Variants in TERC observed in about 807,000 individuals in gnomAD.
The protein encoded by TERC is small Cajal body-specific RNA 19.
In TERC at chr3:169,764,830, G is replaced by A. The variant is rs906136164; in HGVS notation, n.231C>T. The A allele has an allele frequency of 1.4e-5, 10 of 729,346 alleles. No individual in the cohort carries two copies. Among genetic ancestry groups the A allele is most frequent in the Non-Finnish European group, 2.3e-5 (9 of 399,564 alleles). 45.2% of individuals were successfully genotyped at this position (729,346 alleles called of 1,614,324 possible). A position where few individuals can be genotyped will look rare whatever the true frequency, so the allele number is the denominator to read the frequency against. On this transcript the variant is annotated non_coding_transcript_exon_variant, in exon 1 of 1. Coordinates refer to ENST00000602385, the Ensembl canonical transcript of TERC. The surrounding 1 kb of genome is among the most constrained non-coding windows in gnomAD (Gnocchi z 4.3). Reference sequence around the variant, plus strand: ...GGCCTCCAGGCGGGGTTCGGGGGCTGGGCAGGCGACCCGCCGCAGGTCCCC... The same window carrying A: ...GGCCTCCAGGCGGGGTTCGGGGGCTAGGCAGGCGACCCGCCGCAGGTCCCC...
rs1560578689 is a variant in TERC, at chr3:169,764,919, G to A, written n.142C>T. 1 of 765,262 alleles carries A rather than the reference G, an allele frequency of 1.3e-6. No individual in the cohort carries two copies. The highest frequency in any genetic ancestry group is 2.4e-5 in the East Asian group (1 of 41,230). The allele number at this position is 765,262 out of a possible 1,614,324, so 47.4% of individuals were successfully genotyped here. A position where few individuals can be genotyped will look rare whatever the true frequency, so the allele number is the denominator to read the frequency against. Reference sequence around the variant, plus strand: ...TGCTCTAGAATGAACGGTGGAAGGCGGCAGGCCGAGGCTTTTCCGCCCGCT... The same window carrying A: ...TGCTCTAGAATGAACGGTGGAAGGCAGCAGGCCGAGGCTTTTCCGCCCGCT... On this transcript the variant is annotated non_coding_transcript_exon_variant, in exon 1 of 1. Transcript: ENST00000602385. The surrounding 1 kb of genome is among the most constrained non-coding windows in gnomAD (Gnocchi z 4.3).
Position 169,764,774 on chromosome 3 carries a change from G to C in TERC, n.287C>G. The stretch of plus-strand genomic sequence containing the variant: ...AGCCCAACTCTTCGCGGTGGCAGTG[G>C]GTGCCTCCGGAGAAGCCCCGGGCCG... On this transcript the variant is annotated non_coding_transcript_exon_variant, in exon 1 of 1. Transcript: ENST00000602385. The surrounding 1 kb of genome is among the most constrained non-coding windows in gnomAD (Gnocchi z 4.3). 1.3e-6 allele frequency: 1 copy of C among 742,718 alleles called. No individual in the cohort carries two copies. 46.0% of individuals were successfully genotyped at this position (742,718 alleles called of 1,614,324 possible). A position where few individuals can be genotyped will look rare whatever the true frequency, so the allele number is the denominator to read the frequency against.
At position 169,764,917 on chromosome 3, in the gene TERC, G is replaced by A. The variant is rs1777962736; in HGVS notation, n.144C>T. On this transcript the variant is annotated non_coding_transcript_exon_variant, in exon 1 of 1. Coordinates refer to ENST00000602385, the Ensembl canonical transcript of TERC. The surrounding 1 kb of genome is among the most constrained non-coding windows in gnomAD (Gnocchi z 4.3). ...TTTGCTCTAGAATGAACGGTGGAAG[G>A]CGGCAGGCCGAGGCTTTTCCGCCCG... The A allele has an allele frequency of 1.3e-6, 1 of 765,136 alleles. No individual in the cohort carries two copies. The highest frequency in any genetic ancestry group is 1.3e-5 in the South Asian group (1 of 74,624). The allele number at this position is 765,136 out of a possible 1,614,324, so 47.4% of individuals were successfully genotyped here. A position where few individuals can be genotyped will look rare whatever the true frequency, so the allele number is the denominator to read the frequency against.
rs1200725441 is a variant in TERC at position 169,764,852 on chromosome 3, C to T, written n.209G>A. 1 of 749,676 alleles carries T rather than the reference C, an allele frequency of 1.3e-6. No homozygotes were observed. The highest frequency in any genetic ancestry group is 2.4e-6 in the Non-Finnish European group (1 of 410,044). 46.4% of individuals were successfully genotyped at this position (749,676 alleles called of 1,614,324 possible). Reference sequence around the variant, plus strand: ...GCTGGGCAGGCGACCCGCCGCAGGTCCCCGGGAGGGGCGAACGGGCCAGCA... The same window carrying T: ...GCTGGGCAGGCGACCCGCCGCAGGTTCCCGGGAGGGGCGAACGGGCCAGCA... On this transcript the variant is annotated non_coding_transcript_exon_variant, in exon 1 of 1. Coordinates refer to ENST00000602385, the Ensembl canonical transcript of TERC. This position sits in a 1 kb window ranked among gnomAD's most constrained non-coding sequence, Gnocchi z 4.3.
In TERC at chr3:169,764,878, G is replaced by T; in HGVS notation, n.183C>A. ...CCCGGGAGGGGCGAACGGGCCAGCA[G>T]CTGACATTTTTTGTTTGCTCTAGAA... On this transcript the variant is annotated non_coding_transcript_exon_variant, in exon 1 of 1. Coordinates refer to ENST00000602385, the Ensembl canonical transcript of TERC. This position sits in a 1 kb window ranked among gnomAD's most constrained non-coding sequence, Gnocchi z 4.3. 1.3e-6 allele frequency: 1 copy of T among 762,110 alleles called. No individual in the cohort carries two copies. 47.2% of individuals were successfully genotyped at this position (762,110 alleles called of 1,614,324 possible).
At chr3:169,765,017 CA>C (rs1350357211) in exon 1 of TERC, 1 of 765,202 alleles carries the variant, frequency 1.3e-6, no homozygotes, top group Non-Finnish European at 2.4e-6. Flanking sequence ...TAGGGTTAGA[CA>C]AAAAATGGCC....
At position 169,765,049 on chromosome 3, in the gene TERC, C is replaced by T. The variant is rs1777965667; in HGVS notation, n.12G>A. The T allele has an allele frequency of 1.3e-6, 1 of 764,522 alleles. No individual in the cohort carries two copies. Among genetic ancestry groups the T allele is most frequent in the Non-Finnish European group, 2.4e-6 (1 of 417,502 alleles). 47.4% of individuals were successfully genotyped at this position (764,522 alleles called of 1,614,324 possible). A position where few individuals can be genotyped will look rare whatever the true frequency, so the allele number is the denominator to read the frequency against. On this transcript the variant is annotated non_coding_transcript_exon_variant, in exon 1 of 1. Coordinates refer to ENST00000602385, the Ensembl canonical transcript of TERC. ...TGGCCACCACCCCTCCCAGGCCCAC[C>T]CTCCGCAACCCGGTGCGCTGCCGGG...
rs1488733250 is a variant in TERC, at chr3:169,765,023, A to T, written n.38T>A. 1.3e-6 allele frequency: 1 copy of T among 765,300 alleles called. No homozygotes were observed. The highest frequency in any genetic ancestry group is 1.7e-5 in the Admixed American group (1 of 59,044). The allele number at this position is 765,300 out of a possible 1,614,324, so 47.4% of individuals were successfully genotyped here. A position where few individuals can be genotyped will look rare whatever the true frequency, so the allele number is the denominator to read the frequency against. On this transcript the variant is annotated non_coding_transcript_exon_variant, in exon 1 of 1. Transcript: ENST00000602385. ...CTTCTCAGTTAGGGTTAGACAAAAA[A>T]TGGCCACCACCCCTCCCAGGCCCAC...
In TERC at chr3:169,764,672, G is replaced by A. The variant is rs762378141; in HGVS notation, n.389C>T. ...CTCAGGGAATCGCGCCGCGCGCGGG[G>A]ACTCGCTCCGTTCCTCTTCCTGCGG... On this transcript the variant is annotated non_coding_transcript_exon_variant, in exon 1 of 1. Transcript: ENST00000602385. The surrounding 1 kb of genome is among the most constrained non-coding windows in gnomAD (Gnocchi z 4.3). 2 of 758,366 alleles carry A rather than the reference G, an allele frequency of 2.6e-6. No homozygotes were observed. The highest frequency in any genetic ancestry group is 4.9e-5 in the East Asian group (2 of 41,050). The allele number at this position is 758,366 out of a possible 1,614,324, so 47.0% of individuals were successfully genotyped here. A position where few individuals can be genotyped will look rare whatever the true frequency, so the allele number is the denominator to read the frequency against.
chr3:169,764,697 G>C lies in TERC; in HGVS notation n.364C>G. ...GACTCGCTCCGTTCCTCTTCCTGCG[G>C]CCTGAAAGGCCTGAACCTCGCCCTC... On this transcript the variant is annotated non_coding_transcript_exon_variant, in exon 1 of 1. Transcript: ENST00000602385. The surrounding 1 kb of genome is among the most constrained non-coding windows in gnomAD (Gnocchi z 4.3). 1 of 760,926 alleles carries C rather than the reference G, an allele frequency of 1.3e-6. No homozygotes were observed. Among genetic ancestry groups the C allele is most frequent in the Non-Finnish European group, 2.4e-6 (1 of 416,034 alleles). The allele number at this position is 760,926 out of a possible 1,614,324, so 47.1% of individuals were successfully genotyped here. A position where few individuals can be genotyped will look rare whatever the true frequency, so the allele number is the denominator to read the frequency against.
At chr3:169,765,059 C>A in exon 1 of TERC, 1 of 764,528 alleles carries the variant, frequency 1.3e-6, no homozygotes, top group South Asian at 1.3e-5. Flanking sequence ...CCTCCGCAAC[C>A]CGGTGCGCTG....
chr3:169,765,031 C>T lies in TERC; in HGVS notation n.30G>A, dbSNP rs954091557. On this transcript the variant is annotated non_coding_transcript_exon_variant, in exon 1 of 1. Transcript: ENST00000602385. ...TTAGGGTTAGACAAAAAATGGCCACCACCCCTCCCAGGCCCACCCTCCGCA... is the reference window on the plus strand; with the variant it reads ...TTAGGGTTAGACAAAAAATGGCCACTACCCCTCCCAGGCCCACCCTCCGCA... 4 of 765,056 alleles carry T rather than the reference C, an allele frequency of 5.2e-6. No individual in the cohort carries two copies. Among genetic ancestry groups the T allele is most frequent in the African/African-American group, 1.7e-5 (1 of 59,142 alleles). 47.4% of individuals were successfully genotyped at this position (765,056 alleles called of 1,614,324 possible).
rs2108183069 is a variant in TERC, at chr3:169,764,832, G to A, written n.229C>T. The A allele has an allele frequency of 1.4e-6, 1 of 729,494 alleles. No homozygotes were observed. The highest frequency in any genetic ancestry group is 2.5e-6 in the Non-Finnish European group (1 of 399,606). 45.2% of individuals were successfully genotyped at this position (729,494 alleles called of 1,614,324 possible). ...CCTCCAGGCGGGGTTCGGGGGCTGGGCAGGCGACCCGCCGCAGGTCCCCGG... is the reference window on the plus strand; with the variant it reads ...CCTCCAGGCGGGGTTCGGGGGCTGGACAGGCGACCCGCCGCAGGTCCCCGG... On this transcript the variant is annotated non_coding_transcript_exon_variant, in exon 1 of 1. Coordinates refer to ENST00000602385, the Ensembl canonical transcript of TERC. This position sits in a 1 kb window ranked among gnomAD's most constrained non-coding sequence, Gnocchi z 4.3.
At position 169,764,981 on chromosome 3, in the gene TERC, A is replaced by G. The variant is rs1241287010; in HGVS notation, n.80T>C. The G allele has an allele frequency of 1.3e-6, 1 of 765,392 alleles. No individual in the cohort carries two copies. The highest frequency in any genetic ancestry group is 1.7e-5 in the African/African-American group (1 of 59,164). The allele number at this position is 765,392 out of a possible 1,614,324, so 47.4% of individuals were successfully genotyped here. A position where few individuals can be genotyped will look rare whatever the true frequency, so the allele number is the denominator to read the frequency against. On this transcript the variant is annotated non_coding_transcript_exon_variant, in exon 1 of 1. Coordinates refer to ENST00000602385, the Ensembl canonical transcript of TERC. This position sits in a 1 kb window ranked among gnomAD's most constrained non-coding sequence, Gnocchi z 4.3. Reference sequence around the variant, plus strand: ...AGAAAAACAGCGCGCGGGGAGCAAAAGCACGGCGCCTACGCCCTTCTCAGT... The same window carrying G: ...AGAAAAACAGCGCGCGGGGAGCAAAGGCACGGCGCCTACGCCCTTCTCAGT...
In TERC at chr3:169,765,036, C is replaced by A. The variant is rs1164593038; in HGVS notation, n.25G>T. ...GTTAGACAAAAAATGGCCACCACCC[C>A]TCCCAGGCCCACCCTCCGCAACCCG... On this transcript the variant is annotated non_coding_transcript_exon_variant, in exon 1 of 1. Coordinates refer to ENST00000602385, the Ensembl canonical transcript of TERC. 1 of 765,080 alleles carries A rather than the reference C, an allele frequency of 1.3e-6. No individual in the cohort carries two copies. The highest frequency in any genetic ancestry group is 2.4e-6 in the Non-Finnish European group (1 of 417,744). 47.4% of individuals were successfully genotyped at this position (765,080 alleles called of 1,614,324 possible).
In TERC at chr3:169,764,717, G is replaced by A. The variant is rs374793413; in HGVS notation, n.344C>T. On this transcript the variant is annotated non_coding_transcript_exon_variant, in exon 1 of 1. Transcript: ENST00000602385. The surrounding 1 kb of genome is among the most constrained non-coding windows in gnomAD (Gnocchi z 4.3). ...CTGCGGCCTGAAAGGCCTGAACCTCGCCCTCGCCCCCGAGAGACCCGCGGC... is the reference window on the plus strand; with the variant it reads ...CTGCGGCCTGAAAGGCCTGAACCTCACCCTCGCCCCCGAGAGACCCGCGGC... The A allele has an allele frequency of 1.7e-5, 13 of 757,910 alleles. No individual in the cohort carries two copies. In the East Asian group the frequency reaches 2.7e-4, roughly 16 times the overall value. The allele number at this position is 757,910 out of a possible 1,614,324, so 46.9% of individuals were successfully genotyped here.
chr3:169,765,004 A>G lies in TERC; in HGVS notation n.57T>C, dbSNP rs1777964371. On this transcript the variant is annotated non_coding_transcript_exon_variant, in exon 1 of 1. Transcript: ENST00000602385. ...AAAGCACGGCGCCTACGCCCTTCTC[A>G]GTTAGGGTTAGACAAAAAATGGCCA... The G allele has an allele frequency of 1.3e-6, 1 of 765,450 alleles. No homozygotes were observed. The highest frequency in any genetic ancestry group is 2.4e-6 in the Non-Finnish European group (1 of 417,980). The allele number at this position is 765,450 out of a possible 1,614,324, so 47.4% of individuals were successfully genotyped here. A position where few individuals can be genotyped will look rare whatever the true frequency, so the allele number is the denominator to read the frequency against.
At position 169,764,898 on chromosome 3, in the gene TERC, C is replaced by A. The variant is rs758748876; in HGVS notation, n.163G>T. 1.3e-6 allele frequency: 1 copy of A among 764,814 alleles called. No individual in the cohort carries two copies. The allele number at this position is 764,814 out of a possible 1,614,324, so 47.4% of individuals were successfully genotyped here. A position where few individuals can be genotyped will look rare whatever the true frequency, so the allele number is the denominator to read the frequency against. ...CAGCAGCTGACATTTTTTGTTTGCT[C>A]TAGAATGAACGGTGGAAGGCGGCAG... On this transcript the variant is annotated non_coding_transcript_exon_variant, in exon 1 of 1. Coordinates refer to ENST00000602385, the Ensembl canonical transcript of TERC. This position sits in a 1 kb window ranked among gnomAD's most constrained non-coding sequence, Gnocchi z 4.3.
In TERC at chr3:169,764,705, G is replaced by T; in HGVS notation, n.356C>A. 1 of 761,630 alleles carries T rather than the reference G, an allele frequency of 1.3e-6. No individual in the cohort carries two copies. The highest frequency in any genetic ancestry group is 2.4e-5 in the East Asian group (1 of 41,032). 47.2% of individuals were successfully genotyped at this position (761,630 alleles called of 1,614,324 possible). A position where few individuals can be genotyped will look rare whatever the true frequency, so the allele number is the denominator to read the frequency against. On this transcript the variant is annotated non_coding_transcript_exon_variant, in exon 1 of 1. Transcript: ENST00000602385. This position sits in a 1 kb window ranked among gnomAD's most constrained non-coding sequence, Gnocchi z 4.3. Reference sequence around the variant, plus strand: ...CCGTTCCTCTTCCTGCGGCCTGAAAGGCCTGAACCTCGCCCTCGCCCCCGA... The same window carrying T: ...CCGTTCCTCTTCCTGCGGCCTGAAATGCCTGAACCTCGCCCTCGCCCCCGA...
Sources: gnomAD v4.1 joint callset for allele counts on GRCh38, gnomAD v4.1.1 for gene constraint, Gnocchi (gnomAD v3.1) non-coding constraint, MANE v1.5 for transcripts, NCBI Gene and HGNC (gene_info 2026-07-23, HGNC 2026-07-21) for gene names.